The following DIAPH3 variants were observed in gnomAD, a reference collection of about 807,000 sequenced individuals.
DIAPH3 encodes the protein diaphanous related formin 3, also known as protein diaphanous homolog 3.
DIAPH3 carries 117 observed loss-of-function variants against 144.3 expected under a neutral mutation model. The observed-to-expected ratio is 0.81, with a 90% CI of 0.70 to 0.95. The LOEUF is 0.95. DIAPH3 is among the 40% of genes least tolerant of loss of function. The probability of loss-of-function intolerance (pLI) is 0.00; values close to 1 mark genes in which losing one functional copy is unlikely to be tolerated. For synonymous variants in DIAPH3, 519 were observed against 488.9 expected (o/e 1.06, Z -0.81); for missense variants, 1,421 against 1,412.7 (o/e 1.01, Z -0.09).
At chr13:60,043,147 C>G (rs1290803407) in intron 4 of DIAPH3, among the ~76,000 whole-genome samples, 1 of 152,002 alleles carries the variant, frequency 6.6e-6, no homozygotes, top group African/African-American at 2.4e-5. Context: ...AAATAAAATT[C>G]AAAACTCAAT....
At chr13:60,146,152 T>C (rs536929264) in intron 1 of DIAPH3, among the ~76,000 whole-genome samples, 20 of 152,342 alleles carry the variant, frequency 1.3e-4, no homozygotes, top group African/African-American at 4.8e-4. Context: ...TTCCAGTTTT[T>C]ACATGCAGTT....
chr13:59,808,133 CAG>C (rs1016769495), intron 25 of DIAPH3, among the ~76,000 whole-genome samples: 1 of 150,368 alleles, frequency 6.7e-6, no homozygotes, highest in Admixed American at 6.6e-5. Context: ...TTAAAGGTGA[CAG>C]AAAAAAATCA....
chr13:59,709,688 G>A (rs918196623), intron 27 of DIAPH3, among the ~76,000 whole-genome samples: 20 of 152,298 alleles, frequency 1.3e-4, no homozygotes, highest in African/African-American at 3.6e-4. Context: ...GCAGTGTGGC[G>A]ATTCCTCAGG....
At chr13:59,839,190 G>A in intron 23 of DIAPH3, 134 bp downstream of exon 23, 1 of 1,008,440 alleles carries the variant, frequency 9.9e-7, no homozygotes, top group Non-Finnish European at 1.5e-6. Flanking sequence ...TTCCCTGCAA[G>A]AAGGCAAAGG....
chr13:60,159,396 C>T lies in DIAPH3; in HGVS notation c.180+4191G>A, dbSNP rs541812737. ...ATCCCAGCACTTTGGGAGGCCGAAG[C>T]GGGTGGATCACTTGAGGTCAGGAGT... On this transcript the variant is annotated intron_variant, in intron 1 of 27. Transcript: ENST00000400324. Among the ~76,000 whole-genome samples the T allele has an allele frequency of 1.7e-4, 26 of 151,474 alleles. No homozygotes were observed. In the South Asian group the frequency reaches 3.8e-3, roughly 22 times the overall value.
At chr13:59,822,444 A>T (rs556669804) in intron 24 of DIAPH3, among the ~76,000 whole-genome samples, 156 of 151,738 alleles carry the variant, frequency 1.0e-3, no homozygotes, top group African/African-American at 3.4e-3. Flanking sequence ...TTATTTATTT[A>T]TTTATTTTTT....
chr13:60,073,898 G>A (rs2057295174), intron 4 of DIAPH3, among the ~76,000 whole-genome samples: 1 of 152,184 alleles, frequency 6.6e-6, no homozygotes, highest in African/African-American at 2.4e-5. Context: ...TAATTGAAAT[G>A]TGGTCCATGT....
At chr13:59,745,589 C>A (rs1023903597) in intron 27 of DIAPH3, among the ~76,000 whole-genome samples, 3 of 152,104 alleles carry the variant, frequency 2.0e-5, no homozygotes, top group Non-Finnish European at 2.9e-5. Flanking sequence ...GGTAAGGCTG[C>A]ACATACAAAC....
chr13:59,993,436 C>G (rs1456062440), intron 9 of DIAPH3, among the ~76,000 whole-genome samples: 3 of 151,782 alleles, frequency 2.0e-5, no homozygotes. Context: ...TACTGGACTA[C>G]TGATCAATAT....
At chr13:60,091,840 TTTATTA>T (rs910124699) in intron 4 of DIAPH3, among the ~76,000 whole-genome samples, 1 of 151,786 alleles carries the variant, frequency 6.6e-6, no homozygotes, top group Non-Finnish European at 1.5e-5. Context: ...TAATTTTGTT[TTTATTA>T]TTATTATTAT....
intron 27 of DIAPH3, among the ~76,000 whole-genome samples, chr13:59,731,371 C>CAAATA (rs2035883754): frequency 6.6e-6 from 1 of 152,010 alleles, no homozygotes; most frequent in Non-Finnish European, 1.5e-5. Flanking sequence ...TGTCCAACAG[C>CAAATA]AAATAAAACT....
In DIAPH3 at chr13:59,666,776, A is replaced by G. The variant is rs766342621; in HGVS notation, c.3390T>C (p.Thr1130=). 4 of 1,614,136 alleles carry G rather than the reference A, an allele frequency of 2.5e-6. No individual in the cohort carries two copies. In the South Asian group the frequency reaches 4.4e-5, roughly 18 times the overall value. ...HYNINCNSTR[T]PVAKELNYNL... is the part of the protein sequence containing the mutation. ...TATAATTAAGCTCCTTGGCGACTGG[A>G]GTCCTTGTTGAGTTGCAATTGATAT... The change falls in exon 28 of 28, where the codon ACT becomes ACC. Residue 1130 remains threonine, a synonymous_variant. Transcript: ENST00000400324.
chr13:59,989,045 C>A (rs995562448), intron 12 of DIAPH3, among the ~76,000 whole-genome samples: 2 of 151,670 alleles, frequency 1.3e-5, no homozygotes, highest in Non-Finnish European at 2.9e-5. Flanking sequence ...TAACATTCTG[C>A]AATAGAACAA....
At chr13:60,078,060 G>T (rs1227841074) in intron 4 of DIAPH3, among the ~76,000 whole-genome samples, 6 of 152,082 alleles carry the variant, frequency 3.9e-5, no homozygotes, top group Non-Finnish European at 8.8e-5. Flanking sequence ...GTCTTTGTAT[G>T]TTGACCAATC....
At chr13:59,941,641 G>A (rs2048539800) in intron 17 of DIAPH3, among the ~76,000 whole-genome samples, 1 of 152,130 alleles carries the variant, frequency 6.6e-6, no homozygotes, top group Admixed American at 6.6e-5. Context: ...ATCTTGCTTT[G>A]TAAGTGGTTA....
At chr13:59,770,495 A>C (rs1216276253) in intron 27 of DIAPH3, among the ~76,000 whole-genome samples, 4 of 152,148 alleles carry the variant, frequency 2.6e-5, no homozygotes, top group African/African-American at 9.7e-5. Flanking sequence ...GTATTATAAA[A>C]TGGGAAGACT....
At chr13:59,863,822 T>C (rs2043749303) in intron 21 of DIAPH3, among the ~76,000 whole-genome samples, 1 of 152,164 alleles carries the variant, frequency 6.6e-6, no homozygotes, top group African/African-American at 2.4e-5. Context: ...CATGACTCCA[T>C]TGACTACCTA....
At chr13:59,808,914 T>G (rs2040323948) in intron 25 of DIAPH3, among the ~76,000 whole-genome samples, 1 of 152,216 alleles carries the variant, frequency 6.6e-6, no homozygotes, top group Non-Finnish European at 1.5e-5. Context: ...AACAGCCTTT[T>G]GATCTACTAT....
intron 4 of DIAPH3, among the ~76,000 whole-genome samples, chr13:60,072,785 G>T (rs1006517371): frequency 1.3e-5 from 2 of 152,232 alleles, no homozygotes; most frequent in Admixed American, 1.3e-4. Flanking sequence ...AGTACTGCTA[G>T]ATGCTTTAAC....
Sources: gnomAD v4.1 joint callset for allele counts (sites outside exome capture counted in the v4.1 genomes callset) on GRCh38, gnomAD v4.1.1 for gene constraint, MANE v1.5 for transcripts, NCBI Gene and HGNC (gene_info 2026-07-23, HGNC 2026-07-21) for gene names.